TMEM178B: variants seen among roughly 807,000 people sequenced by gnomAD.
TMEM178B encodes the protein transmembrane protein 178B.
TMEM178B carries 5 observed loss-of-function variants against 31.0 expected under a neutral mutation model. The observed-to-expected ratio is 0.16, with a 90% CI of 0.08 to 0.34. The LOEUF is 0.34. Ranked by LOEUF, TMEM178B falls within the 10% of genes least tolerant of loss-of-function variation. The probability of loss-of-function intolerance (pLI) is 1.00; values close to 1 mark genes in which losing one functional copy is unlikely to be tolerated. For missense variants in TMEM178B, 275 were observed against 400.3 expected (o/e 0.69, Z 2.67); for synonymous variants, 164 against 164.0 (o/e 1.00, Z 0.00).
At chr7:141,364,476 C>T (rs1013486785) in intron 2 of TMEM178B, among the ~76,000 whole-genome samples, 9 of 151,792 alleles carry the variant, frequency 5.9e-5, no homozygotes, top group African/African-American at 1.7e-4. Context: ...CTGGCTAACA[C>T]GGTGAAACCC....
the TMEM178B span, among the ~76,000 whole-genome samples, chr7:141,505,428 C>A: frequency 6.6e-6 from 1 of 152,144 alleles, no homozygotes. Flanking sequence ...TATCTGTGTG[C>A]CATTATGAGT....
chr7:141,467,527 C>T lies in TMEM178B; in HGVS notation c.635-3009C>T, dbSNP rs187901356. Reference sequence around the variant, plus strand: ...GCTCCCAGCTCTGCTCCCACCTTGCCAGACTTGCCCCTTCCCCCTGATGAC... The same window carrying T: ...GCTCCCAGCTCTGCTCCCACCTTGCTAGACTTGCCCCTTCCCCCTGATGAC... On this transcript the variant is annotated intron_variant, in intron 3 of 3. Coordinates refer to ENST00000565468, the MANE Select transcript of TMEM178B (RefSeq NM_001195278.2). Among the ~76,000 whole-genome samples the T allele has an allele frequency of 3.3e-4, 50 of 152,292 alleles. 1 individual carries two copies. The highest frequency in any genetic ancestry group is 1.6e-4 in the Non-Finnish European group (11 of 68,030).
chr7:141,468,440 A>C (rs1259033422), intron 3 of TMEM178B, among the ~76,000 whole-genome samples: 2 of 152,134 alleles, frequency 1.3e-5, no homozygotes, highest in African/African-American at 4.8e-5. Flanking sequence ...CCAGTTGTAA[A>C]CAGTACAGTG....
chr7:141,140,465 A>G (rs1051260286), intron 1 of TMEM178B, among the ~76,000 whole-genome samples: 1 of 152,208 alleles, frequency 6.6e-6, no homozygotes, highest in African/African-American at 2.4e-5. Context: ...GTTCTTACAA[A>G]TCCTGCCCAT....
chr7:141,174,864 GT>G (rs1796402520), intron 1 of TMEM178B, among the ~76,000 whole-genome samples: 1 of 152,062 alleles, frequency 6.6e-6, no homozygotes, highest in Non-Finnish European at 1.5e-5. Flanking sequence ...GATATTAGCC[GT>G]TTGTCAGATG....
At chr7:141,125,425 G>C (rs917074749) in intron 1 of TMEM178B, among the ~76,000 whole-genome samples, 4 of 152,080 alleles carry the variant, frequency 2.6e-5, no homozygotes, top group Admixed American at 2.0e-4. Flanking sequence ...GCTCACACCT[G>C]TAATCCCAGC....
chr7:141,217,401 CAG>C (rs976898822), intron 2 of TMEM178B, among the ~76,000 whole-genome samples: 6 of 152,188 alleles, frequency 3.9e-5, no homozygotes, highest in African/African-American at 1.2e-4. Flanking sequence ...GCTGAGAAAA[CAG>C]GGGATGGGAA....
At chr7:141,329,656 T>C (rs1371742817) in intron 2 of TMEM178B, among the ~76,000 whole-genome samples, 2 of 152,234 alleles carry the variant, frequency 1.3e-5, no homozygotes, top group East Asian at 1.9e-4. Context: ...CATTTTATAA[T>C]AGCCACTGCA....
intron 2 of TMEM178B, among the ~76,000 whole-genome samples, chr7:141,424,738 G>A (rs1801282700): frequency 6.6e-6 from 1 of 152,152 alleles, no homozygotes; most frequent in African/African-American, 2.4e-5. Context: ...GACATGCATG[G>A]CAGCACAGAG....
intron 1 of TMEM178B, among the ~76,000 whole-genome samples, chr7:141,108,593 G>A (rs1586773011): frequency 6.6e-6 from 1 of 152,132 alleles, no homozygotes; most frequent in Non-Finnish European, 1.5e-5. Context: ...GGTGATGGAG[G>A]GGCGAAGAGG....
At chr7:141,423,868 G>A (rs928407224) in intron 2 of TMEM178B, among the ~76,000 whole-genome samples, 2 of 148,870 alleles carry the variant, frequency 1.3e-5, no homozygotes, top group African/African-American at 5.0e-5. Context: ...GAGTGTAGTG[G>A]CACGATCTTG....
At chr7:141,127,455 C>G (rs1213847980) in intron 1 of TMEM178B, among the ~76,000 whole-genome samples, 1 of 152,056 alleles carries the variant, frequency 6.6e-6, no homozygotes, top group African/African-American at 2.4e-5. Flanking sequence ...AGACAGGTGT[C>G]CCAATAAGAA....
At chr7:141,490,956 C>G in the TMEM178B span, among the ~76,000 whole-genome samples, 1 of 152,230 alleles carries the variant, frequency 6.6e-6, no homozygotes, top group Non-Finnish European at 1.5e-5. Flanking sequence ...GTTCACACAG[C>G]TGGTATGTAG....
At chr7:141,432,610 T>C (rs1801456498) in intron 2 of TMEM178B, among the ~76,000 whole-genome samples, 2 of 152,220 alleles carry the variant, frequency 1.3e-5, no homozygotes, top group African/African-American at 4.8e-5. Context: ...GGTATTCTTT[T>C]TGTTCCCCAC....
intron 2 of TMEM178B, among the ~76,000 whole-genome samples, chr7:141,417,995 C>T (rs1199677428): frequency 1.3e-5 from 2 of 152,106 alleles, no homozygotes; most frequent in African/African-American, 2.4e-5. Flanking sequence ...CTGCTGTCCA[C>T]GTTTATCAAG....
At chr7:141,295,839 C>A (rs1798622490) in intron 2 of TMEM178B, among the ~76,000 whole-genome samples, 2 of 152,112 alleles carry the variant, frequency 1.3e-5, no homozygotes, top group Non-Finnish European at 2.9e-5. Context: ...AGAGGTGAAC[C>A]TTTGTCCCCA....
At chr7:141,325,087 G>A (rs1799166081) in intron 2 of TMEM178B, among the ~76,000 whole-genome samples, 1 of 152,090 alleles carries the variant, frequency 6.6e-6, no homozygotes, top group South Asian at 2.1e-4. Flanking sequence ...AGGGAAGGAG[G>A]CCAGGAAAAT....
chr7:141,176,338 T>TTTTATTTTGGATTCGGTTTGCCA (rs1796434185), intron 1 of TMEM178B, among the ~76,000 whole-genome samples: 3 of 152,238 alleles, frequency 2.0e-5, no homozygotes, highest in Admixed American at 6.5e-5. Context: ...AGCTTTCTGA[T>TTTTATTTTGGATTCGGTTTGCCA]GTGCTGTTGG....
intron 1 of TMEM178B, among the ~76,000 whole-genome samples, chr7:141,075,984 A>T (rs191515405): frequency 6.6e-6 from 1 of 152,236 alleles, no homozygotes; most frequent in Non-Finnish European, 1.5e-5. Flanking sequence ...GGTCAGATTT[A>T]GGTGAGGTGG....
Sources: allele counts gnomAD v4.1 joint callset (sites outside exome capture counted in the v4.1 genomes callset), GRCh38; gene constraint gnomAD v4.1.1; transcripts MANE v1.5; gene names NCBI Gene and HGNC (gene_info 2026-07-23, HGNC 2026-07-21).